PDE4D: variants seen among roughly 807,000 people sequenced by gnomAD.
The protein encoded by PDE4D is phosphodiesterase 4D, also known as 3',5'-cyclic-AMP phosphodiesterase 4D.
A neutral mutation model predicts 87.4 loss-of-function variants in PDE4D; 24 were observed. The ratio of observed to expected loss-of-function variants is 0.27; its 90% CI spans 0.20 to 0.39. The LOEUF (loss-of-function observed/expected upper bound fraction) is 0.39. PDE4D is among the 10% of genes least tolerant of loss of function. The pLI is 1.00. For synonymous variants in PDE4D, 384 were observed against 383.2 expected, an observed-to-expected ratio of 1.00 and a Z score of -0.02; for missense variants, 714 against 1,041.0, an observed-to-expected ratio of 0.69 and a Z score of 4.32.
At chr5:59,026,353 T>A (rs1756239284) in intron 6 of PDE4D, among the ~76,000 whole-genome samples, 1 of 152,226 alleles carries the variant, frequency 6.6e-6, no homozygotes, top group African/African-American at 2.4e-5. Flanking sequence ...AAAAAACCTT[T>A]CTTGAAAGGC....
chr5:59,627,582 C>G (rs1379796636), intron 1 of PDE4D, among the ~76,000 whole-genome samples: 1 of 152,090 alleles, frequency 6.6e-6, no homozygotes, highest in Non-Finnish European at 1.5e-5. Flanking sequence ...ATGAATGCCT[C>G]CTTTAGGGGT....
chr5:60,162,962 G>A (rs906759328), intron 2 of PDE4D, among the ~76,000 whole-genome samples: 1 of 152,174 alleles, frequency 6.6e-6, no homozygotes, highest in Non-Finnish European at 1.5e-5. Context: ...AAATTACACA[G>A]AACCACAAAC....
chr5:59,183,857 A>T (rs1742275055), intron 4 of PDE4D, among the ~76,000 whole-genome samples: 1 of 152,208 alleles, frequency 6.6e-6, no homozygotes, highest in Non-Finnish European at 1.5e-5. Flanking sequence ...TATGCTAGGC[A>T]CAGGGAATAC....
At chr5:60,111,012 G>C (rs185057761) in intron 2 of PDE4D, among the ~76,000 whole-genome samples, 2 of 152,110 alleles carry the variant, frequency 1.3e-5, no homozygotes, top group Non-Finnish European at 2.9e-5. Context: ...GAAGGATGGG[G>C]GAAGAGGAGG....
At chr5:59,710,350 G>C (rs921363226) in intron 1 of PDE4D, among the ~76,000 whole-genome samples, 1 of 152,070 alleles carries the variant, frequency 6.6e-6, no homozygotes, top group Non-Finnish European at 1.5e-5. Context: ...ATCAACAAAA[G>C]CTTCTGAAGC....
intron 2 of PDE4D, among the ~76,000 whole-genome samples, chr5:60,110,738 T>C (rs1193664847): frequency 1.3e-5 from 2 of 152,040 alleles, no homozygotes; most frequent in African/African-American, 4.8e-5. Context: ...ACAGCTAAGA[T>C]ATGGAATCAA....
At chr5:59,521,841 C>A (rs1812307617) in intron 1 of PDE4D, among the ~76,000 whole-genome samples, 1 of 152,134 alleles carries the variant, frequency 6.6e-6, no homozygotes, top group African/African-American at 2.4e-5. Context: ...TCTGTCACCC[C>A]AGAATGTAGA....
chr5:59,283,024 A>T lies in PDE4D; in HGVS notation c.456-67056T>A, dbSNP rs1196354325. Among the ~76,000 whole-genome samples the T allele has an allele frequency of 2.0e-5, 3 of 152,254 alleles. No individual in the cohort carries two copies. The East Asian group carries it at 5.8e-4, about 29-fold the overall frequency. On this transcript the variant is annotated intron_variant, in intron 1 of 14. Transcript: ENST00000340635. The stretch of plus-strand genomic sequence containing the variant: ...GTTGCAAATCCAAATTCCACCAATC[A>T]CTAGTTGTTTGATTGCAAACAAATT...
chr5:60,000,427 A>G (rs935833898), intron 2 of PDE4D, among the ~76,000 whole-genome samples: 1 of 152,174 alleles, frequency 6.6e-6, no homozygotes, highest in Non-Finnish European at 1.5e-5. Context: ...GTGGGACAAT[A>G]TATTCAAAGT....
rs138621584 is a variant in PDE4D, at chr5:59,466,133, A to C, written c.456-250165T>G. 4.1e-3 allele frequency among the ~76,000 whole-genome samples: 620 copies of C among 152,336 alleles called. 3 individuals are homozygous for C. Among genetic ancestry groups the C allele is most frequent in the African/African-American group, 0.014 (576 of 41,572 alleles). On this transcript the variant is annotated intron_variant, in intron 1 of 14. Coordinates refer to ENST00000340635, the MANE Select transcript of PDE4D (RefSeq NM_001104631.2). ...AAATAGAATATAACAAAACCTGAAGAAAGTAATACAACAAACTGAACCAGC... is the reference window on the plus strand; with the variant it reads ...AAATAGAATATAACAAAACCTGAAGCAAGTAATACAACAAACTGAACCAGC...
intron 2 of PDE4D, among the ~76,000 whole-genome samples, chr5:60,181,685 T>C (rs886682916): frequency 1.1e-4 from 16 of 152,114 alleles, no homozygotes; most frequent in African/African-American, 3.9e-4. Flanking sequence ...AGGAAGAAAA[T>C]GATTCAGTGT....
chr5:59,031,616 G>C (rs1260021403), intron 6 of PDE4D, among the ~76,000 whole-genome samples: 1 of 141,534 alleles, frequency 7.1e-6, no homozygotes, highest in Non-Finnish European at 1.5e-5. Flanking sequence ...GCTGAGGCAG[G>C]AGAATGGCAT....
chr5:60,443,371 T>C (rs1745392722), intron 1 of PDE4D, among the ~76,000 whole-genome samples: 1 of 152,116 alleles, frequency 6.6e-6, no homozygotes, highest in African/African-American at 2.4e-5. Context: ...GTTTCAAGGA[T>C]GGAGATTCTA....
intron 1 of PDE4D, among the ~76,000 whole-genome samples, chr5:59,632,950 G>T (rs1831759157): frequency 6.6e-6 from 1 of 152,142 alleles, no homozygotes; most frequent in Non-Finnish European, 1.5e-5. Context: ...AGCTAAAAAA[G>T]TATGTTCTAA....
At chr5:59,775,638 A>G (rs1764003286) in intron 1 of PDE4D, among the ~76,000 whole-genome samples, 3 of 152,236 alleles carry the variant, frequency 2.0e-5, no homozygotes, top group Admixed American at 2.0e-4. Flanking sequence ...TTAGTGCACG[A>G]AAGATCTTGG....
At chr5:60,096,647 G>C (rs1163581205) in intron 2 of PDE4D, among the ~76,000 whole-genome samples, 2 of 152,034 alleles carry the variant, frequency 1.3e-5, no homozygotes, top group Non-Finnish European at 2.9e-5. Flanking sequence ...AAGCACACAG[G>C]ACTATCTAGA....
At chr5:59,420,444 C>T (rs2153626912) in intron 1 of PDE4D, among the ~76,000 whole-genome samples, 1 of 152,238 alleles carries the variant, frequency 6.6e-6, no homozygotes, top group Admixed American at 6.5e-5. Context: ...GCTGGAATGT[C>T]CTGCTTCCAC....
intron 2 of PDE4D, among the ~76,000 whole-genome samples, chr5:60,172,511 G>A (rs1352627550): frequency 6.6e-6 from 1 of 152,004 alleles, no homozygotes; most frequent in Non-Finnish European, 1.5e-5. Flanking sequence ...CTTTCACTCT[G>A]CCCCTGCTAC....
intron 1 of PDE4D, among the ~76,000 whole-genome samples, chr5:59,629,668 A>C (rs1389563961): frequency 6.6e-6 from 1 of 152,138 alleles, no homozygotes; most frequent in Non-Finnish European, 1.5e-5. Context: ...AGCTTGTGGT[A>C]TTTTCTATAG....
Sources: allele counts gnomAD v4.1 joint callset (sites outside exome capture counted in the v4.1 genomes callset), GRCh38; gene constraint gnomAD v4.1.1; transcripts MANE v1.5; gene names NCBI Gene and HGNC (gene_info 2026-07-23, HGNC 2026-07-21).